Variants in CPPED1 observed in about 807,000 individuals in gnomAD.
The protein encoded by CPPED1 is calcineurin like phosphoesterase domain containing 1.
CPPED1 carries 28 observed loss-of-function variants against 28.0 expected under a neutral mutation model. The observed-to-expected ratio is 1.00, with a 90% CI of 0.74 to 1.37. The LOEUF is 1.37. CPPED1 is among the 40% of genes most tolerant of loss of function. The pLI is 0.00. For synonymous variants in CPPED1, 198 were observed against 180.2 expected (o/e 1.10, Z -0.79); for missense variants, 504 against 416.5 (o/e 1.21, Z -1.83).
chr16:12,739,559 C>G (rs56176037), intron 2 of CPPED1, among the ~76,000 whole-genome samples: 2,376 of 152,034 alleles, frequency 0.016, 30 homozygotes, highest in Non-Finnish European at 0.025. Context: ...CCAGTCTGGA[C>G]AACAAGAGCA....
intron 2 of CPPED1, among the ~76,000 whole-genome samples, chr16:12,710,878 C>T (rs1239246908): frequency 6.6e-6 from 1 of 152,132 alleles, no homozygotes; most frequent in Non-Finnish European, 1.5e-5. Flanking sequence ...AAACCTGGTG[C>T]ATTGTTGATG....
At chr16:12,731,214 C>T (rs2141205137) in intron 2 of CPPED1, among the ~76,000 whole-genome samples, 1 of 148,386 alleles carries the variant, frequency 6.7e-6, no homozygotes, top group Non-Finnish European at 1.5e-5. Flanking sequence ...AGTGCAGTGG[C>T]GCGATCTCGG....
intron 1 of CPPED1, among the ~76,000 whole-genome samples, chr16:12,794,099 T>C (rs9302490): frequency 0.26 from 39,355 of 152,000 alleles, 6,544 homozygotes; most frequent in African/African-American, 0.47. Flanking sequence ...TTTGGGACTC[T>C]TTCTGACTTA....
intron 2 of CPPED1, among the ~76,000 whole-genome samples, chr16:12,739,264 G>A (rs1014084091): frequency 6.6e-6 from 1 of 152,180 alleles, no homozygotes; most frequent in Admixed American, 6.5e-5. Context: ...AAGCAAGTGA[G>A]TTTTTTCTAC....
intron 3 of CPPED1, among the ~76,000 whole-genome samples, chr16:12,699,349 C>G (rs571215596): frequency 1.3e-5 from 2 of 152,202 alleles, no homozygotes; most frequent in South Asian, 4.1e-4. Context: ...CGGTTTTTCA[C>G]TGAGCTTCAA....
chr16:12,717,062 AG>A (rs2080110742), intron 2 of CPPED1, among the ~76,000 whole-genome samples: 1 of 152,066 alleles, frequency 6.6e-6, no homozygotes, highest in Non-Finnish European at 1.5e-5. Flanking sequence ...GAAGGTGGGG[AG>A]GGGGCTTTCC....
At chr16:12,739,153 A>G (rs1171619899) in intron 2 of CPPED1, among the ~76,000 whole-genome samples, 1 of 152,194 alleles carries the variant, frequency 6.6e-6, no homozygotes, top group Admixed American at 6.5e-5. Context: ...ACTGGACAGA[A>G]TGGTCATGAG....
At chr16:12,731,851 T>C (rs1346988157) in intron 2 of CPPED1, among the ~76,000 whole-genome samples, 1 of 149,160 alleles carries the variant, frequency 6.7e-6, no homozygotes, top group Admixed American at 6.7e-5. Flanking sequence ...AGAGGCGATA[T>C]GGGGAGGAGG....
At chr16:12,713,084 G>C (rs2080088170) in intron 2 of CPPED1, among the ~76,000 whole-genome samples, 1 of 143,432 alleles carries the variant, frequency 7.0e-6, no homozygotes, top group African/African-American at 2.5e-5. Flanking sequence ...GTACCAGAAA[G>C]GTATTTCGAA....
chr16:12,713,266 G>C (rs2080089304), intron 2 of CPPED1, among the ~76,000 whole-genome samples: 2 of 152,228 alleles, frequency 1.3e-5, no homozygotes, highest in African/African-American at 4.8e-5. Flanking sequence ...GTGAGTATCA[G>C]AGGCAGCACA....
At chr16:12,713,617 T>A (rs1229832296) in intron 2 of CPPED1, among the ~76,000 whole-genome samples, 3 of 152,198 alleles carry the variant, frequency 2.0e-5, no homozygotes, top group Non-Finnish European at 4.4e-5. Flanking sequence ...TGCCTCAGCC[T>A]CTTAAAGTGC....
chr16:12,700,838 T>C (rs971170272), intron 3 of CPPED1, among the ~76,000 whole-genome samples: 1 of 152,070 alleles, frequency 6.6e-6, no homozygotes, highest in Non-Finnish European at 1.5e-5. Context: ...TTCAGACAAG[T>C]CAACACTTGC....
At chr16:12,780,510 T>C (rs1381438938) in intron 2 of CPPED1, among the ~76,000 whole-genome samples, 2 of 152,122 alleles carry the variant, frequency 1.3e-5, no homozygotes, top group Admixed American at 6.6e-5. Flanking sequence ...AATAAGGCAC[T>C]TTCTTTCTGT....
intron 2 of CPPED1, among the ~76,000 whole-genome samples, chr16:12,724,389 G>C (rs2080158191): frequency 6.6e-6 from 1 of 152,188 alleles, no homozygotes; most frequent in Non-Finnish European, 1.5e-5. Flanking sequence ...ACAGCTCACT[G>C]CCGGGGAAAC....
Position 12,781,317 on chromosome 16 carries a change from C to A in CPPED1, c.157G>T (p.Asp53Tyr). 1 of 1,614,126 alleles carries A rather than the reference C, an allele frequency of 6.2e-7. No homozygotes were observed. The highest frequency in any genetic ancestry group is 8.5e-7 in the Non-Finnish European group (1 of 1,180,030). The change falls in exon 2 of 4, where the codon GAC becomes TAC. Residue 53 changes from aspartate (D) to tyrosine (Y), a missense_variant. Asp to Tyr is a radical substitution (Grantham distance 160). Transcript: ENST00000381774. ...CATTCGTCACCGCCATTGTCACAGT[C>A]CCCAGTGGACCAGGCCTTGATCAGC... ...FGLIKAWSTG[D>Y]CDNGGDEWEQ...
chr16:12,726,917 G>A (rs371821230), intron 2 of CPPED1, among the ~76,000 whole-genome samples: 1 of 152,174 alleles, frequency 6.6e-6, no homozygotes, highest in Non-Finnish European at 1.5e-5. Context: ...AGGTGCCTGG[G>A]AGAGGGTGGT....
intron 2 of CPPED1, among the ~76,000 whole-genome samples, chr16:12,735,399 C>A (rs2080221513): frequency 6.6e-6 from 1 of 152,238 alleles, no homozygotes; most frequent in African/African-American, 2.4e-5. Flanking sequence ...TCAACTGATT[C>A]TCCCGCCTTA....
intron 3 of CPPED1, among the ~76,000 whole-genome samples, chr16:12,703,644 T>C (rs1359219762): frequency 2.1e-5 from 3 of 142,664 alleles, no homozygotes; most frequent in African/African-American, 8.0e-5. Context: ...ATTTTGCCAC[T>C]GCACTCCAGC....
intron 1 of CPPED1, among the ~76,000 whole-genome samples, chr16:12,799,577 T>C (rs2080646876): frequency 6.6e-6 from 1 of 152,252 alleles, no homozygotes; most frequent in Non-Finnish European, 1.5e-5. Context: ...TTTCTCAGTC[T>C]GCCCAAGGGG....
Sources: gnomAD v4.1 joint callset for allele counts (sites outside exome capture counted in the v4.1 genomes callset) on GRCh38, gnomAD v4.1.1 for gene constraint, MANE v1.5 for transcripts, NCBI Gene and HGNC (gene_info 2026-07-23, HGNC 2026-07-21) for gene names.